Variants in CDK5RAP2 observed in about 807,000 individuals in gnomAD.
The protein encoded by CDK5RAP2 is CDK5 regulatory subunit-associated protein 2.
CDK5RAP2 carries 147 observed loss-of-function variants against 232.9 expected under a neutral mutation model. The observed-to-expected ratio is 0.63, with a 90% CI of 0.55 to 0.72. The LOEUF (loss-of-function observed/expected upper bound fraction) is 0.72. CDK5RAP2 is among the 30% of genes least tolerant of loss of function. CDK5RAP2 has a pLI of 0.00. For synonymous variants in CDK5RAP2, 833 were observed against 833.7 expected, an observed-to-expected ratio of 1.00 and a Z score of 0.01; for missense variants, 2,195 against 2,231.5, an observed-to-expected ratio of 0.98 and a Z score of 0.33.
chr9:120,446,219 G>A (rs937987213), intron 22 of CDK5RAP2, among the ~76,000 whole-genome samples: 1 of 151,836 alleles, frequency 6.6e-6, no homozygotes, highest in Non-Finnish European at 1.5e-5. Flanking sequence ...AACAGGAAGT[G>A]AACTGGATTT....
At chr9:120,389,648 C>T in intron 37 of CDK5RAP2, 93 bp downstream of exon 37, 1 of 1,211,942 alleles carries the variant, frequency 8.3e-7, no homozygotes, top group Non-Finnish European at 1.2e-6. Context: ...CCCCTGGTTC[C>T]ACCTGCACCT....
chr9:120,557,850 C>T (rs1189439825), intron 3 of CDK5RAP2, among the ~76,000 whole-genome samples: 5 of 149,000 alleles, frequency 3.4e-5, no homozygotes, highest in African/African-American at 9.8e-5. Context: ...CTGCAACCTC[C>T]GCCTTCCGGG....
rs1288325522 is a variant in CDK5RAP2, at chr9:120,424,027, G to A, written c.3956-1286C>T. 2.0e-5 allele frequency among the ~76,000 whole-genome samples: 3 copies of A among 152,166 alleles called. No homozygotes were observed. The East Asian group carries it at 5.8e-4, about 29-fold the overall frequency. On this transcript the variant is annotated intron_variant, in intron 25 of 37. Transcript: ENST00000349780. Reference sequence around the variant, plus strand: ...GTCACCATCAGAAATGAGTCACACAGGCCTGAGTGACCAGGCACCAGGGCC... The same window carrying A: ...GTCACCATCAGAAATGAGTCACACAAGCCTGAGTGACCAGGCACCAGGGCC...
At chr9:120,422,889 A>G (rs2034655175) in intron 25 of CDK5RAP2, 148 bp from the exon 26 acceptor site, 2 of 695,976 alleles carry the variant, frequency 2.9e-6, no homozygotes, top group Non-Finnish European at 5.2e-6. Context: ...TAGGATTACC[A>G]AGAGTACAAT....
intron 12 of CDK5RAP2, among the ~76,000 whole-genome samples, chr9:120,511,940 G>A (rs532382751): frequency 6.6e-6 from 1 of 152,112 alleles, no homozygotes; most frequent in African/African-American, 2.4e-5. Context: ...ATTTCACCAT[G>A]TCGACCAGGC....
chr9:120,474,252 C>T (rs1456248425), intron 15 of CDK5RAP2, among the ~76,000 whole-genome samples: 1 of 152,192 alleles, frequency 6.6e-6, no homozygotes, highest in African/African-American at 2.4e-5. Flanking sequence ...ACTCTAACAA[C>T]TCCCATACAG....
At chr9:120,481,071 AGC>A (rs745832545) in intron 14 of CDK5RAP2, among the ~76,000 whole-genome samples, 1 of 152,264 alleles carries the variant, frequency 6.6e-6, no homozygotes, top group Non-Finnish European at 1.5e-5. Context: ...CCAGTGTGTC[AGC>A]CACCATGCTA....
Position 120,439,774 on chromosome 9 carries a change from A to AT in CDK5RAP2, c.3346dup (p.Ile1116AsnfsTer3). ...TTCCAGCTCAGTTTCCAAGTCATGGATTTTCTGTTTTAAGTATTCTGTCTC... is the reference window on the plus strand; with the variant it reads ...TTCCAGCTCAGTTTCCAAGTCATGGATTTTTCTGTTTTAAGTATTCTGTCTC... On this transcript the variant is annotated frameshift_variant, in exon 24 of 38. Coordinates refer to ENST00000349780, the MANE Select transcript of CDK5RAP2 (RefSeq NM_018249.6). LOFTEE classifies it high-confidence loss of function. 6.2e-7 allele frequency: 1 copy of AT among 1,613,948 alleles called. No individual in the cohort carries two copies. The highest frequency in any genetic ancestry group is 8.5e-7 in the Non-Finnish European group (1 of 1,179,974).
At chr9:120,530,197 G>A in intron 7 of CDK5RAP2, 57 bp from the exon 8 acceptor site, 1 of 1,384,948 alleles carries the variant, frequency 7.2e-7, no homozygotes. Flanking sequence ...GCTCAGTGGA[G>A]CTGGAGGAGG....
chr9:120,569,208 A>G (rs932247125), intron 2 of CDK5RAP2, among the ~76,000 whole-genome samples: 9 of 152,218 alleles, frequency 5.9e-5, no homozygotes, highest in Admixed American at 2.0e-4. Context: ...TGCTGAGTGA[A>G]TAAGTTCATT....
At chr9:120,405,759 G>A (rs1246833919) in intron 32 of CDK5RAP2, among the ~76,000 whole-genome samples, 1 of 152,172 alleles carries the variant, frequency 6.6e-6, no homozygotes, top group African/African-American at 2.4e-5. Flanking sequence ...TGTCTATTAT[G>A]GCTCCAAATC....
chr9:120,399,978 C>CA (rs376942840), intron 35 of CDK5RAP2, among the ~76,000 whole-genome samples: 13 of 152,254 alleles, frequency 8.5e-5, no homozygotes, highest in African/African-American at 3.1e-4. Flanking sequence ...GAGATAATGA[C>CA]AAAAAATGTA....
intron 27 of CDK5RAP2, among the ~76,000 whole-genome samples, chr9:120,418,166 T>C (rs758818764): frequency 6.6e-5 from 10 of 152,194 alleles, no homozygotes; most frequent in African/African-American, 2.4e-4. Flanking sequence ...AAAAAGATGA[T>C]GGTGGGCTTA....
chr9:120,443,555 T>C, intron 23 of CDK5RAP2, 65 bp downstream of exon 23: 1 of 1,570,718 alleles, frequency 6.4e-7, no homozygotes, highest in Middle Eastern at 1.7e-4. Context: ...AATTTTTAGA[T>C]AAAACATCCA....
At chr9:120,570,577 T>C (rs1159692709) in intron 2 of CDK5RAP2, among the ~76,000 whole-genome samples, 1 of 152,226 alleles carries the variant, frequency 6.6e-6, no homozygotes, top group Non-Finnish European at 1.5e-5. Context: ...CAGTGGCTCA[T>C]GCCTGTAAAC....
Position 120,402,959 on chromosome 9 carries a change from C to T in CDK5RAP2, c.5154G>A (p.Leu1718=), listed in dbSNP as rs764564717. Residue 1718 remains leucine (L), a synonymous_variant, in exon 34 of 38, where the codon CTG becomes CTA. Transcript: ENST00000349780. ...CVSRLVTGHH[L]WASKNGRHVL... is the part of the protein sequence containing the mutation. ...CATGGCGGCCATTCTTGCTGGCCCA[C>T]AGGTGGTGGCCAGTGACCAGGCGGG... 6.2e-7 allele frequency: 1 copy of T among 1,614,214 alleles called. No homozygotes were observed. Among genetic ancestry groups the T allele is most frequent in the South Asian group, 1.1e-5 (1 of 91,076 alleles).
intron 12 of CDK5RAP2, among the ~76,000 whole-genome samples, chr9:120,509,979 T>A (rs2040003854): frequency 6.6e-6 from 1 of 151,752 alleles, no homozygotes; most frequent in African/African-American, 2.4e-5. Flanking sequence ...ATATATACAT[T>A]TTTTTTTAGG....
intron 10 of CDK5RAP2, among the ~76,000 whole-genome samples, chr9:120,527,341 G>A (rs1019711962): frequency 2.6e-5 from 4 of 151,970 alleles, no homozygotes; most frequent in African/African-American, 9.7e-5. Flanking sequence ...GACCTGCATT[G>A]TCCAATGCGG....
At chr9:120,579,587 C>CA (rs1213020149) in intron 1 of CDK5RAP2, among the ~76,000 whole-genome samples, 1 of 152,234 alleles carries the variant, frequency 6.6e-6, no homozygotes. Context: ...CAGGTGCCCT[C>CA]AAGGTCCCTG....
Sources: gnomAD v4.1 joint callset for allele counts (sites outside exome capture counted in the v4.1 genomes callset) on GRCh38, gnomAD v4.1.1 for gene constraint, MANE v1.5 for transcripts, NCBI Gene and HGNC (gene_info 2026-07-23, HGNC 2026-07-21) for gene names.